Variants in PCYT1B observed in about 807,000 individuals in gnomAD.
The protein encoded by PCYT1B is choline-phosphate cytidylyltransferase B.
Under a neutral mutation model 26.4 loss-of-function variants are expected in PCYT1B, and 10 were observed. The ratio of observed to expected loss-of-function variants is 0.38; its 90% CI spans 0.23 to 0.64. The LOEUF (loss-of-function observed/expected upper bound fraction) is 0.64, where lower values mean the gene tolerates loss of function less well. Among genes scored for constraint, PCYT1B ranks in the 30% least tolerant of loss-of-function variants. The pLI is 0.56. For synonymous variants in PCYT1B, 131 were observed against 108.4 expected, an observed-to-expected ratio of 1.21 and a Z score of -1.29; for missense variants, 161 against 292.7, an observed-to-expected ratio of 0.55 and a Z score of 3.28.
At chrX:24,641,230 G>T (rs1157479493) in intron 1 of PCYT1B, among the ~76,000 whole-genome samples, 1 of 112,091 alleles carries the variant, frequency 8.9e-6, no homozygotes, top group Non-Finnish European at 1.9e-5. Context: ...ACTGCGCCTG[G>T]CCCCTTGATC....
intron 1 of PCYT1B, among the ~76,000 whole-genome samples, chrX:24,665,361 G>A (rs1265057907): frequency 9.1e-6 from 1 of 110,226 alleles, no homozygotes; most frequent in African/African-American, 3.3e-5. Flanking sequence ...TGTGATCTCG[G>A]CTCACTGCAA....
intron 3 of PCYT1B, among the ~76,000 whole-genome samples, chrX:24,590,478 C>T: frequency 8.9e-6 from 1 of 111,819 alleles, no homozygotes; most frequent in Non-Finnish European, 1.9e-5. Flanking sequence ...TCCTATCCCA[C>T]CCCTCAGTGA....
intron 5 of PCYT1B, 96 bp downstream of exon 5, chrX:24,587,145 T>C (rs1924396346): frequency 1.7e-6 from 1 of 594,149 alleles, no homozygotes; most frequent in African/African-American, 2.2e-5. Flanking sequence ...ACTCCCTGTT[T>C]GTATACACTG....
rs1207651 is a variant in PCYT1B, at chrX:24,647,156, G to A, written c.-51C>T. 249,526 of 1,182,013 alleles carry A rather than the reference G, an allele frequency of 0.21. 18,244 individuals are homozygous for A. Among genetic ancestry groups the A allele is most frequent in the South Asian group, 0.33 (16,970 of 51,431 alleles). On this transcript the variant is annotated 5_prime_UTR_variant, in exon 1 of 8. Transcript: ENST00000379144. ...TACACCCTCAGAGAGTCTCCTCCCA[G>A]GCAGAGAATGTTTTCTTTGTCACGT...
chrX:24,585,133 T>C (rs766139911), intron 5 of PCYT1B, among the ~76,000 whole-genome samples: 8 of 109,658 alleles, frequency 7.3e-5, no homozygotes, highest in Admixed American at 2.0e-4. Flanking sequence ...CAGAGAGGGA[T>C]TGGGAAGCGG....
chrX:24,560,633 AG>A lies in PCYT1B; in HGVS notation c.*1659del, dbSNP rs1359094263. Reference sequence around the variant, plus strand: ...AGACAGCACTCATCTCCAAGTGGATAGGGAGGTAGTTCAACCCCAACAAGAA... The same window carrying A: ...AGACAGCACTCATCTCCAAGTGGATAGGAGGTAGTTCAACCCCAACAAGAA... On this transcript the variant is annotated 3_prime_UTR_variant, in exon 8 of 8. Transcript: ENST00000379144. 1 of 111,675 alleles carries A rather than the reference AG, an allele frequency of 9.0e-6. No individual in the cohort carries two copies. The highest frequency in any genetic ancestry group is 2.8e-4 in the East Asian group (1 of 3,545). 9.2% of individuals were successfully genotyped at this position (111,675 alleles called of 1,213,427 possible).
intron 1 of PCYT1B, among the ~76,000 whole-genome samples, chrX:24,654,890 T>C (rs1424429343): frequency 4.5e-5 from 5 of 110,840 alleles, no homozygotes; most frequent in African/African-American, 9.9e-5. Flanking sequence ...TTTGCTACTT[T>C]TATGTCTCTG....
At chrX:24,670,976 G>GT (rs777804075) in intron 1 of PCYT1B, among the ~76,000 whole-genome samples, 20 of 109,559 alleles carry the variant, frequency 1.8e-4, no homozygotes, top group African/African-American at 4.3e-4. Flanking sequence ...GAATCTAGTT[G>GT]TTTTTTTTGG....
chrX:24,633,958 C>T (rs943168845), intron 1 of PCYT1B, among the ~76,000 whole-genome samples: 2 of 111,423 alleles, frequency 1.8e-5, no homozygotes, highest in East Asian at 5.6e-4. Context: ...GGATCTCACT[C>T]TGTCACCCAA....
rs1923334544 is a variant in PCYT1B at position 24,559,745 on chromosome X, C to G, written c.*2548G>C. On this transcript the variant is annotated 3_prime_UTR_variant, in exon 8 of 8. Transcript: ENST00000379144. ...GGCCATTACAGTTGACCTGCTGGCC[C>G]TAACAAAGTGCAACCCGGTCTCTGC... 1 of 112,066 alleles carries G rather than the reference C, an allele frequency of 8.9e-6. No individual in the cohort carries two copies. The highest frequency in any genetic ancestry group is 1.9e-5 in the Non-Finnish European group (1 of 53,227). 9.2% of individuals were successfully genotyped at this position (112,066 alleles called of 1,213,427 possible). A position where few individuals can be genotyped will look rare whatever the true frequency, so the allele number is the denominator to read the frequency against.
Position 24,621,907 on chromosome X carries a change from G to A in PCYT1B, c.118-2823C>T, listed in dbSNP as rs1230892881. 3 of 580,517 alleles carry A rather than the reference G, an allele frequency of 5.2e-6. No homozygotes were observed. In the African/African-American group the frequency reaches 7.5e-5, roughly 15 times the overall value. The allele number at this position is 580,517 out of a possible 1,213,427, so 47.8% of individuals were successfully genotyped here. On this transcript the variant is annotated intron_variant, in intron 1 of 7. Coordinates refer to ENST00000379144, the MANE Select transcript of PCYT1B (RefSeq NM_004845.5). ...ATCTGGTAATTAAAACAGAGATAGG[G>A]AACGTTGTAAAGCAACAATAGTTAC...
At chrX:24,651,805 G>A (rs1343223566), upstream of PCYT1B, among the ~76,000 whole-genome samples, 5 of 108,926 alleles carry the variant, frequency 4.6e-5, no homozygotes, top group South Asian at 4.0e-4. Flanking sequence ...ATGAGGCACC[G>A]CACCAACCCT....
Position 24,575,133 on chromosome X carries a change from T to C in PCYT1B, c.894A>G (p.Ala298=), listed in dbSNP as rs1400496572. ...NFLELFGPDG[A]WKQMFQERSS... ...GTAAAGTGAAATCATTACATACCCATGCTCCATCAGGTCCAAACAGTTCTA... is the reference window on the plus strand; with the variant it reads ...GTAAAGTGAAATCATTACATACCCACGCTCCATCAGGTCCAAACAGTTCTA... Residue 298 remains alanine (A), a synonymous_variant, in exon 7 of 8, where the codon GCA becomes GCG. Transcript: ENST00000379144. 4 of 1,186,172 alleles carry C rather than the reference T, an allele frequency of 3.4e-6. No individual in the cohort carries two copies. Among genetic ancestry groups the C allele is most frequent in the Non-Finnish European group, 1.1e-6 (1 of 882,564 alleles).
intron 1 of PCYT1B, among the ~76,000 whole-genome samples, chrX:24,635,869 C>CTCTG (rs1250221319): frequency 8.9e-6 from 1 of 112,057 alleles, no homozygotes; most frequent in Non-Finnish European, 1.9e-5. Context: ...GATGCAAAGG[C>CTCTG]TCTGGGTCAG....
At chrX:24,659,008 G>A (rs921466341) in intron 1 of PCYT1B, among the ~76,000 whole-genome samples, 14 of 111,912 alleles carry the variant, frequency 1.3e-4, no homozygotes, top group Middle Eastern at 9.3e-3. Context: ...TGTCTAGTTT[G>A]CAGATAAGAA....
intron 7 of PCYT1B, among the ~76,000 whole-genome samples, chrX:24,573,306 G>C (rs1455013197): frequency 2.7e-5 from 3 of 110,565 alleles, no homozygotes; most frequent in Non-Finnish European, 3.8e-5. Context: ...TGGGACTACA[G>C]ATACGCGCCA....
At chrX:24,586,415 A>G (rs1175695226) in intron 5 of PCYT1B, among the ~76,000 whole-genome samples, 3 of 112,542 alleles carry the variant, frequency 2.7e-5, no homozygotes, top group Non-Finnish European at 3.8e-5. Flanking sequence ...CTGAAGGTCC[A>G]TGAGTACCAA....
chrX:24,668,842 T>A (rs939681506), intron 1 of PCYT1B, among the ~76,000 whole-genome samples: 1 of 111,293 alleles, frequency 9.0e-6, no homozygotes, highest in Non-Finnish European at 1.9e-5. Context: ...CCTGTTTTAA[T>A]GAATAAATAA....
At chrX:24,651,901 G>C (rs1344128660), upstream of PCYT1B, among the ~76,000 whole-genome samples, 1 of 111,193 alleles carries the variant, frequency 9.0e-6, no homozygotes, top group East Asian at 2.8e-4. Flanking sequence ...GTTGGGGTGA[G>C]ACAGGCATGG....
Sources: gnomAD v4.1 joint callset for allele counts (sites outside exome capture counted in the v4.1 genomes callset) on GRCh38, gnomAD v4.1.1 for gene constraint, MANE v1.5 for transcripts, NCBI Gene and HGNC (gene_info 2026-07-23, HGNC 2026-07-21) for gene names.